The following TIGD6 variants were observed in gnomAD, a reference collection of about 807,000 sequenced individuals.
The protein encoded by TIGD6 is tigger transposable element-derived protein 6.
In TIGD6, 1 loss-of-function variant was observed where a neutral mutation model predicts 2.6. The observed-to-expected ratio is 0.39, with a 90% CI of 0.14 to 1.85. The LOEUF (loss-of-function observed/expected upper bound fraction) is 1.85, where lower values mean the gene tolerates loss of function less well. Among genes scored for constraint, TIGD6 ranks in the 40% most tolerant of loss-of-function variants. The pLI, the probability that TIGD6 is intolerant of heterozygous loss-of-function variation, is 0.32. For synonymous variants in TIGD6, 193 were observed against 221.9 expected (o/e 0.87, Z 1.16); for missense variants, 601 against 634.2 (o/e 0.95, Z 0.56).
rs140050938 is a variant in TIGD6 at position 149,995,813 on chromosome 5, T to C, written c.536A>G (p.Asp179Gly). The change falls in exon 2 of 2, where the codon GAT becomes GGT. Residue 179 changes from aspartate to glycine, a missense_variant. Physicochemically the swap from Asp to Gly is moderately conservative, Grantham distance 94 (BLOSUM62 -1). Coordinates refer to ENST00000296736, the MANE Select transcript of TIGD6 (RefSeq NM_030953.4). ...CAACTGGAAAAACACTCCTGTCTCA[T>C]CAGCATTAAAGATATCATCTGGGCT... ...DYSPDDIFNA[D>G]ETGVFFQLLP... 1.2e-6 allele frequency: 2 copies of C among 1,614,248 alleles called. No individual in the cohort carries two copies. Among genetic ancestry groups the C allele is most frequent in the Non-Finnish European group, 1.7e-6 (2 of 1,180,052 alleles).
chr5:149,993,436 C>T lies in TIGD6; in HGVS notation c.*1347G>A, dbSNP rs1334370383. ...TTATCTGACTTATTAGGAATAAATA[C>T]TCTCTAATGAACTCTCTAATGATCC... On this transcript the variant is annotated 3_prime_UTR_variant, in exon 2 of 2. Transcript: ENST00000296736. 1 of 152,176 alleles carries T rather than the reference C, an allele frequency of 6.6e-6. No individual in the cohort carries two copies. The highest frequency in any genetic ancestry group is 1.5e-5 in the Non-Finnish European group (1 of 68,036). 9.4% of individuals were successfully genotyped at this position (152,176 alleles called of 1,614,324 possible). A position where few individuals can be genotyped will look rare whatever the true frequency, so the allele number is the denominator to read the frequency against.
In TIGD6 at chr5:149,994,163, A is replaced by T. The variant is rs537231742; in HGVS notation, c.*620T>A. On this transcript the variant is annotated 3_prime_UTR_variant, in exon 2 of 2. Transcript: ENST00000296736. ...AAGCTAGACCAGTGGTTTTCAAAGC[A>T]TGGAGCCTGGACTGCATCAGCTGAG... The T allele has an allele frequency of 5.9e-5, 9 of 152,392 alleles. No individual in the cohort carries two copies. The highest frequency in any genetic ancestry group is 2.1e-4 in the South Asian group (1 of 4,832). The allele number at this position is 152,392 out of a possible 1,614,324, so 9.4% of individuals were successfully genotyped here.
In TIGD6 at chr5:149,996,145, T is replaced by C. The variant is rs1178401510; in HGVS notation, c.204A>G (p.Lys68=). The C allele has an allele frequency of 1.2e-6, 2 of 1,610,414 alleles. No individual in the cohort carries two copies. The highest frequency in any genetic ancestry group is 1.7e-5 in the Admixed American group (1 of 59,990). The change falls in exon 2 of 2, where the codon AAA becomes AAG. Residue 68 remains lysine (K), a synonymous_variant. Coordinates refer to ENST00000296736, the MANE Select transcript of TIGD6 (RefSeq NM_030953.4). ...CATCATAAAGAGCGCTCCTCATCCT[T>C]TTCCGCTGGGGTCCCACGGATGCCT... is the stretch of plus-strand genomic sequence containing the variant. ...VREASVGPQR[K]RMRSALYDDI... is the part of the protein sequence containing the mutation.
At chr5:149,997,095 T>C (rs1755406247) in intron 1 of TIGD6, among the ~76,000 whole-genome samples, 1 of 152,014 alleles carries the variant, frequency 6.6e-6, no homozygotes, top group Non-Finnish European at 1.5e-5. Flanking sequence ...TTACAGAGGG[T>C]GATATGTGCT....
Position 149,994,219 on chromosome 5 carries a change from C to T in TIGD6, c.*564G>A, listed in dbSNP as rs1755324484. The T allele has an allele frequency of 6.6e-6, 1 of 152,224 alleles. No homozygotes were observed. Among genetic ancestry groups the T allele is most frequent in the African/African-American group, 2.4e-5 (1 of 41,438 alleles). The allele number at this position is 152,224 out of a possible 1,614,324, so 9.4% of individuals were successfully genotyped here. Reference sequence around the variant, plus strand: ...GTTAGAAATGCAAATTTTTGGGTCCCACCTGAGGTCTACTGTATCAAACTC... The same window carrying T: ...GTTAGAAATGCAAATTTTTGGGTCCTACCTGAGGTCTACTGTATCAAACTC... On this transcript the variant is annotated 3_prime_UTR_variant, in exon 2 of 2. Coordinates refer to ENST00000296736, the MANE Select transcript of TIGD6 (RefSeq NM_030953.4).
chr5:149,999,227 T>C (rs772488968), intron 1 of TIGD6, among the ~76,000 whole-genome samples: 8 of 152,208 alleles, frequency 5.3e-5, no homozygotes, highest in Admixed American at 1.3e-4. Flanking sequence ...ATTTACAATA[T>C]AGTCTTTTGG....
Position 149,994,563 on chromosome 5 carries a change from G to A in TIGD6, c.*220C>T, listed in dbSNP as rs764425339. The stretch of plus-strand genomic sequence containing the variant: ...TTGCAGACAAGTTTGGAAACCCTTG[G>A]ATGAATCAAAATACATCTTGAATCA... On this transcript the variant is annotated 3_prime_UTR_variant, in exon 2 of 2. Transcript: ENST00000296736. The A allele has an allele frequency of 5.1e-6, 2 of 393,308 alleles. No individual in the cohort carries two copies. The highest frequency in any genetic ancestry group is 8.8e-6 in the Non-Finnish European group (2 of 226,776). The allele number at this position is 393,308 out of a possible 1,614,324, so 24.4% of individuals were successfully genotyped here.
chr5:149,998,065 G>A (rs1755439788), intron 1 of TIGD6, among the ~76,000 whole-genome samples: 1 of 152,224 alleles, frequency 6.6e-6, no homozygotes, highest in African/African-American at 2.4e-5. Flanking sequence ...AGGAGGCGGA[G>A]GTTGCAGTGG....
chr5:149,995,315 TC>T lies in TIGD6; in HGVS notation c.1033del (p.Glu345LysfsTer11). On this transcript the variant is annotated frameshift_variant, in exon 2 of 2. Coordinates refer to ENST00000296736, the MANE Select transcript of TIGD6 (RefSeq NM_030953.4). LOFTEE classifies it low-confidence loss of function (END_TRUNC). ...LLKLNSSEDQ[E>X]EVDIKQAIDM... is the part of the protein sequence containing the mutation. Reference sequence around the variant, plus strand: ...GATGGCCTGCTTGATGTCCACCTCTTCTTGATCCTCACTGCTGTTGAGCTTG... The same window carrying T: ...GATGGCCTGCTTGATGTCCACCTCTTTTGATCCTCACTGCTGTTGAGCTTG... The T allele has an allele frequency of 6.4e-7, 1 of 1,562,080 alleles. No individual in the cohort carries two copies. The highest frequency in any genetic ancestry group is 1.8e-5 in the Admixed American group (1 of 56,344).
chr5:149,996,064 A>G lies in TIGD6; in HGVS notation c.285T>C (p.Leu95=), dbSNP rs201718627. ...TTTTCCGAATGACAGAACCAGTCACAAGAATGTTTTTGGCATGGATTTCTT... is the reference window on the plus strand; with the variant it reads ...TTTTCCGAATGACAGAACCAGTCACGAGAATGTTTTTGGCATGGATTTCTT... The part of the protein sequence containing the change: ...WFQEIHAKNI[L]VTGSVIRKKA... The change falls in exon 2 of 2, where the codon CTT becomes CTC. Residue 95 remains leucine (L), a synonymous_variant. Coordinates refer to ENST00000296736, the MANE Select transcript of TIGD6 (RefSeq NM_030953.4). The G allele has an allele frequency of 4.3e-5, 70 of 1,613,604 alleles. No individual in the cohort carries two copies. Among genetic ancestry groups the G allele is most frequent in the Non-Finnish European group, 5.6e-5 (66 of 1,180,038 alleles).
At chr5:149,998,007 G>A (rs1025919431) in intron 1 of TIGD6, among the ~76,000 whole-genome samples, 1 of 152,186 alleles carries the variant, frequency 6.6e-6, no homozygotes, top group African/African-American at 2.4e-5. Context: ...GCGCATGCCT[G>A]TAATCCCAGC....
rs1351983029 is a variant in TIGD6, at chr5:149,994,591, G to C, written c.*192C>G. ...GAATCAAAATACATCTTGAATCAAG[G>C]ACCAGAGACAGCCAAAAACAAAAGA... is the stretch of plus-strand genomic sequence containing the variant. On this transcript the variant is annotated 3_prime_UTR_variant, in exon 2 of 2. Transcript: ENST00000296736. 2.0e-6 allele frequency: 1 copy of C among 493,400 alleles called. No homozygotes were observed. Among genetic ancestry groups the C allele is most frequent in the Non-Finnish European group, 3.4e-6 (1 of 296,966 alleles). 30.6% of individuals were successfully genotyped at this position (493,400 alleles called of 1,614,324 possible). A position where few individuals can be genotyped will look rare whatever the true frequency, so the allele number is the denominator to read the frequency against.
Position 149,996,293 on chromosome 5 carries a change from T to G in TIGD6, c.56A>C (p.Lys19Thr). 1 of 1,613,566 alleles carries G rather than the reference T, an allele frequency of 6.2e-7. No individual in the cohort carries two copies. Among genetic ancestry groups the G allele is most frequent in the Non-Finnish European group, 8.5e-7 (1 of 1,179,864 alleles). ...GCCTGAGTCTACAGCTCCCACAACT[T>G]TCATTTTCTCCTCCAGAGAGAACTG... ...RRQFSLEEKM[K>T]VVGAVDSGKR... The change falls in exon 2 of 2, where the codon AAA becomes ACA. Residue 19 changes from lysine to threonine, a missense_variant. Physicochemically the swap from Lys to Thr is moderately conservative, Grantham distance 78. Transcript: ENST00000296736.
At position 149,996,036 on chromosome 5, in the gene TIGD6, CT is replaced by C; in HGVS notation, c.312del (p.Ala105HisfsTer2). On this transcript the variant is annotated frameshift_variant, in exon 2 of 2. Coordinates refer to ENST00000296736, the MANE Select transcript of TIGD6 (RefSeq NM_030953.4). LOFTEE classifies it high-confidence loss of function. ...ILVTGSVIRK[K>X]ALNLANMLGY... is the part of the protein sequence containing the mutation. ...CCAAGCATGTTGGCCAAGTTTAGTGCTTTTTTCCGAATGACAGAACCAGTCA... is the reference window on the plus strand; with the variant it reads ...CCAAGCATGTTGGCCAAGTTTAGTGCTTTTTCCGAATGACAGAACCAGTCA... 1 of 1,612,144 alleles carries C rather than the reference CT, an allele frequency of 6.2e-7. No homozygotes were observed.
chr5:150,000,478 A>G lies in TIGD6; in HGVS notation c.-86T>C, dbSNP rs1243132505. ...GCACAGCCCCGCCCCTGTTACCTGA[A>G]CGCCCCACAGCAGTGCCCGGGGGCT... On this transcript the variant is annotated 5_prime_UTR_variant, in exon 1 of 2. Transcript: ENST00000296736. 1.4e-4 allele frequency: 21 copies of G among 154,256 alleles called. No homozygotes were observed. Among genetic ancestry groups the G allele is most frequent in the Admixed American group, 1.2e-3 (19 of 15,282 alleles). The allele number at this position is 154,256 out of a possible 1,614,324, so 9.6% of individuals were successfully genotyped here. A position where few individuals can be genotyped will look rare whatever the true frequency, so the allele number is the denominator to read the frequency against.
In TIGD6 at chr5:149,995,740, G is replaced by A. The variant is rs1047326019; in HGVS notation, c.609C>T (p.Gly203=). ...LAAKGDHCRG[G]KKAKQRLTAL... ...CTGTCAACCGCTGCTTTGCTTTCTTGCCCCCTCTACAGTGGTCTCCTTTAG... is the reference window on the plus strand; with the variant it reads ...CTGTCAACCGCTGCTTTGCTTTCTTACCCCCTCTACAGTGGTCTCCTTTAG... Residue 203 remains glycine, a synonymous_variant, in exon 2 of 2, where the codon GGC becomes GGT. Coordinates refer to ENST00000296736, the MANE Select transcript of TIGD6 (RefSeq NM_030953.4). 3.7e-6 allele frequency: 6 copies of A among 1,614,058 alleles called. No homozygotes were observed. In the African/African-American group the frequency reaches 8.0e-5, roughly 22 times the overall value.
chr5:149,995,453 T>G lies in TIGD6; in HGVS notation c.896A>C (p.Gln299Pro). The G allele has an allele frequency of 6.2e-7, 1 of 1,614,256 alleles. No individual in the cohort carries two copies. Among genetic ancestry groups the G allele is most frequent in the Non-Finnish European group, 8.5e-7 (1 of 1,180,050 alleles). Residue 299 changes from glutamine to proline, a missense_variant, in exon 2 of 2, where the codon CAG becomes CCG. Transcript: ENST00000296736. ...HNMLPHLERI[Q>P]VGYLPSNCTA... ...ACAGTTGGAGGGCAGATACCCAACC[T>G]GAATCCTTTCCAAGTGTGGAAGCAT...
rs544013831 is a variant in TIGD6 at position 149,998,045 on chromosome 5, G to A, written c.-81-1616C>T. Reference sequence around the variant, plus strand: ...CTCGGGAGGCAGAGGCACAAGAATCGCTTGAACCCAGGAGGCGGAGGTTGC... The same window carrying A: ...CTCGGGAGGCAGAGGCACAAGAATCACTTGAACCCAGGAGGCGGAGGTTGC... On this transcript the variant is annotated intron_variant, in intron 1 of 1. Coordinates refer to ENST00000296736, the MANE Select transcript of TIGD6 (RefSeq NM_030953.4). Among the ~76,000 whole-genome samples the A allele has an allele frequency of 2.2e-4, 33 of 152,114 alleles. No homozygotes were observed. The Middle Eastern group carries it at 0.01, about 47-fold the overall frequency.
chr5:149,997,821 C>T (rs971777957), intron 1 of TIGD6, among the ~76,000 whole-genome samples: 3 of 151,816 alleles, frequency 2.0e-5, no homozygotes, highest in African/African-American at 4.8e-5. Context: ...ATTAGCCGGG[C>T]GTGGTGGCGG....
Sources: gnomAD v4.1 joint callset for allele counts (sites outside exome capture counted in the v4.1 genomes callset) on GRCh38, gnomAD v4.1.1 for gene constraint, MANE v1.5 for transcripts, NCBI Gene and HGNC (gene_info 2026-07-23, HGNC 2026-07-21) for gene names.